KCNMA1: variants seen among roughly 807,000 people sequenced by gnomAD.
KCNMA1 encodes Calcium-activated potassium channel subunit alpha-1.
A neutral mutation model predicts 140.0 loss-of-function variants in KCNMA1; 29 were observed. The ratio of observed to expected loss-of-function variants is 0.21; its 90% confidence interval spans 0.15 to 0.28. The LOEUF is 0.28. Ranked by LOEUF, KCNMA1 falls within the 10% of genes least tolerant of loss-of-function variation. The probability of loss-of-function intolerance (pLI) is 1.00; values close to 1 mark genes in which losing one functional copy is unlikely to be tolerated. For synonymous variants in KCNMA1, 612 were observed against 611.9 expected, an observed-to-expected ratio of 1.00 and a Z score of 0.00; for missense variants, 880 against 1,602.2, an observed-to-expected ratio of 0.55 and a Z score of 7.70.
intron 2 of KCNMA1, among the ~76,000 whole-genome samples, chr10:77,299,492 T>C (rs2076052478): frequency 6.6e-6 from 1 of 152,202 alleles, no homozygotes; most frequent in Non-Finnish European, 1.5e-5. Context: ...TGCCTCAAAA[T>C]GTTATTTCAC....
chr10:77,250,704 G>C (rs1261574459), intron 3 of KCNMA1: 1 of 186,806 alleles, frequency 5.4e-6, no homozygotes. Context: ...CAATGCTTCA[G>C]CTGAATACCC....
chr10:77,479,808 C>T (rs1172425976), intron 1 of KCNMA1, among the ~76,000 whole-genome samples: 2 of 152,188 alleles, frequency 1.3e-5, no homozygotes, highest in African/African-American at 4.8e-5. Flanking sequence ...TTGTTTCCCA[C>T]GGGTCTTGTC....
intron 1 of KCNMA1, chr10:77,634,485 G>A (rs975731816): frequency 4.8e-5 from 47 of 985,322 alleles, no homozygotes; most frequent in African/African-American, 8.7e-5. Context: ...GGTTTGGTGC[G>A]ATCCCAGAGA....
rs965805267 is a variant in KCNMA1 at position 77,233,579 on chromosome 10, C to G, written c.602+17616G>C. 3.3e-5 allele frequency among the ~76,000 whole-genome samples: 5 copies of G among 152,180 alleles called. No homozygotes were observed. The East Asian group carries it at 9.6e-4, about 29-fold the overall frequency. On this transcript the variant is annotated intron_variant, in intron 3 of 27. Coordinates refer to ENST00000286628, the MANE Select transcript of KCNMA1 (RefSeq NM_001161352.2). ...ATCGTGAATGCAGAATGTGAGCAAA[C>G]TCAGGACTGCGCATGCCTCCAGGAG...
rs73284479 is a variant in KCNMA1, at chr10:77,534,157, A to T, written c.378+103108T>A. Among the ~76,000 whole-genome samples, 522 of 152,314 alleles carry T rather than the reference A, an allele frequency of 3.4e-3. 3 individuals carry two copies. Among genetic ancestry groups the T allele is most frequent in the African/African-American group, 0.012 (487 of 41,572 alleles). On this transcript the variant is annotated intron_variant, in intron 1 of 27. Coordinates refer to ENST00000286628, the MANE Select transcript of KCNMA1 (RefSeq NM_001161352.2). ...GCCCTATGCTCATCCCAGAAACCTAAAGATAAAATCATTAGGAAAACTTCT... is the reference window on the plus strand; with the variant it reads ...GCCCTATGCTCATCCCAGAAACCTATAGATAAAATCATTAGGAAAACTTCT...
intron 19 of KCNMA1, among the ~76,000 whole-genome samples, chr10:76,987,063 T>A (rs1412533555): frequency 2.2e-5 from 1 of 44,712 alleles, no homozygotes; most frequent in Non-Finnish European, 5.2e-5. Flanking sequence ...CCTTGAGACT[T>A]TTTTTTTTTT....
chr10:77,477,191 A>C (rs2098297391), intron 1 of KCNMA1, among the ~76,000 whole-genome samples: 1 of 152,208 alleles, frequency 6.6e-6, no homozygotes, highest in African/African-American at 2.4e-5. Context: ...AAACATGATA[A>C]AACACAGGAA....
intron 16 of KCNMA1, among the ~76,000 whole-genome samples, chr10:77,024,693 A>G (rs923575222): frequency 1.3e-5 from 2 of 152,168 alleles, no homozygotes; most frequent in African/African-American, 2.4e-5. Flanking sequence ...CAAACACACT[A>G]GGAAAAAAAA....
intron 5 of KCNMA1, among the ~76,000 whole-genome samples, chr10:77,127,395 C>A (rs1424360486): frequency 6.6e-6 from 1 of 152,072 alleles, no homozygotes; most frequent in Non-Finnish European, 1.5e-5. Flanking sequence ...TAGCCACTGC[C>A]CTGTACAGAC....
chr10:77,316,452 C>T (rs1464806415), intron 2 of KCNMA1, among the ~76,000 whole-genome samples: 1 of 152,142 alleles, frequency 6.6e-6, no homozygotes, highest in Non-Finnish European at 1.5e-5. Context: ...TAGTTTAGAC[C>T]AACTCAAACT....
intron 19 of KCNMA1, among the ~76,000 whole-genome samples, chr10:76,971,575 A>G (rs1319552873): frequency 1.3e-5 from 2 of 152,114 alleles, no homozygotes; most frequent in Non-Finnish European, 2.9e-5. Flanking sequence ...GGTGAGAGTG[A>G]GACCAGAAGA....
At chr10:77,195,917 C>G (rs1024123001) in intron 3 of KCNMA1, among the ~76,000 whole-genome samples, 5 of 152,074 alleles carry the variant, frequency 3.3e-5, no homozygotes, top group Non-Finnish European at 7.3e-5. Flanking sequence ...CCACTGCACT[C>G]CAGCCTGGGC....
intron 1 of KCNMA1, among the ~76,000 whole-genome samples, chr10:77,423,495 T>C (rs1265988509): frequency 6.6e-6 from 1 of 152,194 alleles, no homozygotes; most frequent in African/African-American, 2.4e-5. Flanking sequence ...TGGGCAGACA[T>C]AGTCCTGTGC....
intron 2 of KCNMA1, among the ~76,000 whole-genome samples, chr10:77,393,092 T>C (rs1478596201): frequency 6.6e-6 from 1 of 152,226 alleles, no homozygotes; most frequent in Admixed American, 6.5e-5. Context: ...CAGGCTGGCA[T>C]GAGCCAGCTG....
At chr10:77,335,852 G>A (rs1228288881) in intron 2 of KCNMA1, among the ~76,000 whole-genome samples, 5 of 152,064 alleles carry the variant, frequency 3.3e-5, no homozygotes, top group South Asian at 2.1e-4. Flanking sequence ...ACTCAAGCCC[G>A]GTCAGGTCTG....
intron 1 of KCNMA1, chr10:77,636,674 T>C (rs1436546830): frequency 6.5e-7 from 1 of 1,533,876 alleles, no homozygotes; most frequent in Non-Finnish European, 8.7e-7. Context: ...CTCCCCAACT[T>C]CTCTCGCCCC....
At chr10:77,323,974 G>A (rs1335547009) in intron 2 of KCNMA1, among the ~76,000 whole-genome samples, 1 of 152,212 alleles carries the variant, frequency 6.6e-6, no homozygotes, top group Non-Finnish European at 1.5e-5. Context: ...TGATCCTGAG[G>A]TCGGTATGCA....
At chr10:77,086,365 T>C (rs1422944210) in intron 11 of KCNMA1, 123 bp downstream of exon 11, 3 of 747,240 alleles carry the variant, frequency 4.0e-6, no homozygotes, top group Non-Finnish European at 7.3e-6. Context: ...ATTGATCTCA[T>C]TAGGTGTTTA....
At chr10:77,366,991 G>A (rs1045539320) in intron 2 of KCNMA1, among the ~76,000 whole-genome samples, 5 of 152,208 alleles carry the variant, frequency 3.3e-5, no homozygotes, top group Non-Finnish European at 4.4e-5. Context: ...ACAAGACATA[G>A]ATCTTGTCTT....
Sources: allele counts gnomAD v4.1 joint callset (sites outside exome capture counted in the v4.1 genomes callset), GRCh38; gene constraint gnomAD v4.1.1; transcripts MANE v1.5; gene names NCBI Gene and HGNC (gene_info 2026-07-23, HGNC 2026-07-21).